SEMA3A: variants seen among roughly 807,000 people sequenced by gnomAD.
The protein encoded by SEMA3A is semaphorin-3A.
Under a neutral mutation model 97.9 loss-of-function variants are expected in SEMA3A, and 29 were observed. That is an observed-to-expected ratio of 0.30 (90% CI 0.22 to 0.40). The LOEUF is 0.40. Among genes scored for constraint, SEMA3A ranks in the 10% least tolerant of loss-of-function variants. The probability of loss-of-function intolerance (pLI) is 1.00; values close to 1 mark genes in which losing one functional copy is unlikely to be tolerated. For missense variants in SEMA3A, 763 were observed against 951.3 expected (o/e 0.80, Z 2.60); for synonymous variants, 321 against 323.7 (o/e 0.99, Z 0.09).
At chr7:84,087,025 G>A (rs541180267) in intron 4 of SEMA3A, among the ~76,000 whole-genome samples, 85 of 151,992 alleles carry the variant, frequency 5.6e-4, no homozygotes, top group Non-Finnish European at 4.1e-4. Context: ...TGTAATATTC[G>A]AAATGATTTG....
chr7:84,221,272 TG>T (rs1421874787), intron 3 of SEMA3A, among the ~76,000 whole-genome samples: 1 of 152,150 alleles, frequency 6.6e-6, no homozygotes. Flanking sequence ...GATTAGACTT[TG>T]GCTTAAGAAA....
chr7:84,215,245 G>A (rs1584133955), intron 3 of SEMA3A, among the ~76,000 whole-genome samples: 1 of 151,984 alleles, frequency 6.6e-6, no homozygotes, highest in East Asian at 2.0e-4. Context: ...GAGTGCAATG[G>A]CGTGATCTTA....
At chr7:84,165,878 T>C (rs1183919968) in intron 1 of SEMA3A, among the ~76,000 whole-genome samples, 1 of 152,108 alleles carries the variant, frequency 6.6e-6, no homozygotes, top group Non-Finnish European at 1.5e-5. Flanking sequence ...AATAAGATCC[T>C]TGTCAACTTA....
intron 12 of SEMA3A, among the ~76,000 whole-genome samples, chr7:83,995,132 C>T (rs1790156541): frequency 6.6e-6 from 1 of 152,188 alleles, no homozygotes; most frequent in African/African-American, 2.4e-5. Context: ...CTCCCTGACC[C>T]CTTGCGCTTC....
At chr7:84,219,073 C>G (rs1798815922) in intron 3 of SEMA3A, among the ~76,000 whole-genome samples, 1 of 152,114 alleles carries the variant, frequency 6.6e-6, no homozygotes, top group African/African-American at 2.4e-5. Context: ...CCTCTGACTT[C>G]TAGTAACAGC....
chr7:84,462,459 A>G (rs969482822), intron 1 of SEMA3A, among the ~76,000 whole-genome samples: 1 of 152,172 alleles, frequency 6.6e-6, no homozygotes, highest in Non-Finnish European at 1.5e-5. Context: ...CTAATTTTCC[A>G]TGATCACTGA....
chr7:84,467,307 G>A (rs1806025003), intron 1 of SEMA3A, among the ~76,000 whole-genome samples: 1 of 152,004 alleles, frequency 6.6e-6, no homozygotes, highest in South Asian at 2.1e-4. Flanking sequence ...TGGATCACGA[G>A]GTCAGGAGAT....
Position 83,961,846 on chromosome 7 carries a change from G to A in SEMA3A, c.1861-20C>T. 1 of 1,581,950 alleles carries A rather than the reference G, an allele frequency of 6.3e-7. No homozygotes were observed. The highest frequency in any genetic ancestry group is 8.6e-7 in the Non-Finnish European group (1 of 1,156,718). On this transcript the variant is annotated intron_variant, in intron 16 of 16. Coordinates refer to ENST00000265362, the MANE Select transcript of SEMA3A (RefSeq NM_006080.3). Reference sequence around the variant, plus strand: ...TCTGATCTAGCAGGTTAAAAAAAAGGCAGTGTAAAATATACATATTTAAAA... The same window carrying A: ...TCTGATCTAGCAGGTTAAAAAAAAGACAGTGTAAAATATACATATTTAAAA...
At chr7:84,326,437 T>G (rs2115931150) in intron 2 of SEMA3A, among the ~76,000 whole-genome samples, 1 of 152,236 alleles carries the variant, frequency 6.6e-6, no homozygotes, top group East Asian at 1.9e-4. Flanking sequence ...AACTAAAACC[T>G]ATGGGTAAAT....
intron 4 of SEMA3A, among the ~76,000 whole-genome samples, chr7:84,095,627 T>A (rs989965601): frequency 6.8e-6 from 1 of 147,972 alleles, no homozygotes; most frequent in Non-Finnish European, 1.5e-5. Flanking sequence ...CAGATGTTGC[T>A]TTTTTTTTTC....
At chr7:84,459,941 C>T (rs1340881100) in intron 1 of SEMA3A, among the ~76,000 whole-genome samples, 11 of 152,086 alleles carry the variant, frequency 7.2e-5, no homozygotes, top group Admixed American at 7.2e-4. Context: ...ATGGGAAGAT[C>T]GCTTGAGTCT....
At chr7:84,395,631 T>A (rs1197494044) in intron 1 of SEMA3A, among the ~76,000 whole-genome samples, 14 of 151,956 alleles carry the variant, frequency 9.2e-5, no homozygotes, top group Admixed American at 8.5e-4. Flanking sequence ...GTTTCCCCCA[T>A]GCTCTTCTCA....
rs372572449 is a variant in SEMA3A at position 84,167,244 on chromosome 7, G to A, written c.112+27231C>T. 3.3e-5 allele frequency among the ~76,000 whole-genome samples: 5 copies of A among 152,088 alleles called. No individual in the cohort carries two copies. The East Asian group carries it at 9.7e-4, about 29-fold the overall frequency. ...GGGCATGTGGTTGATATGTCTAGGT[G>A]GCAGTTGAATAAAGCTCGAAGTCAT... On this transcript the variant is annotated intron_variant, in intron 1 of 16. Coordinates refer to ENST00000265362, the MANE Select transcript of SEMA3A (RefSeq NM_006080.3).
chr7:84,143,319 A>G (rs2372034), intron 1 of SEMA3A, among the ~76,000 whole-genome samples: 33,921 of 152,130 alleles, frequency 0.22, 3,904 homozygotes, highest in African/African-American at 0.27. Context: ...TACATATTAA[A>G]TGAAGAAGTA....
chr7:84,220,542 T>C (rs551371870), intron 3 of SEMA3A, among the ~76,000 whole-genome samples: 2 of 152,296 alleles, frequency 1.3e-5, no homozygotes, highest in South Asian at 4.1e-4. Context: ...GAAATGTATT[T>C]CTTAACTAAT....
intron 1 of SEMA3A, among the ~76,000 whole-genome samples, chr7:84,463,470 G>A (rs571909729): frequency 1.4e-4 from 21 of 151,852 alleles, no homozygotes; most frequent in East Asian, 5.8e-4. Flanking sequence ...GGATAGTCCC[G>A]ATCTCCTAAC....
chr7:84,310,377 T>C (rs930652110), intron 2 of SEMA3A, among the ~76,000 whole-genome samples: 7 of 152,072 alleles, frequency 4.6e-5, no homozygotes, highest in African/African-American at 1.7e-4. Flanking sequence ...GTTGTTTTTT[T>C]TTTATTCACA....
intron 4 of SEMA3A, among the ~76,000 whole-genome samples, chr7:84,081,993 G>A (rs1478788834): frequency 6.6e-6 from 1 of 152,066 alleles, no homozygotes; most frequent in Non-Finnish European, 1.5e-5. Context: ...AAGTTTCCCT[G>A]TTTTAATTTT....
chr7:84,049,410 C>T (rs1273221871), intron 5 of SEMA3A, among the ~76,000 whole-genome samples: 1 of 152,060 alleles, frequency 6.6e-6, no homozygotes, highest in African/African-American at 2.4e-5. Flanking sequence ...TAAGGTATGA[C>T]ATCTTTGTTG....
Sources: allele counts gnomAD v4.1 joint callset (sites outside exome capture counted in the v4.1 genomes callset), GRCh38; gene constraint gnomAD v4.1.1; transcripts MANE v1.5; gene names NCBI Gene and HGNC (gene_info 2026-07-23, HGNC 2026-07-21).